Variants in DISC1 observed in about 807,000 individuals in gnomAD.
The protein encoded by DISC1 is DISC1 scaffold protein.
DISC1 carries 57 observed loss-of-function variants against 84.5 expected under a neutral mutation model. The observed-to-expected ratio is 0.67, with a 90% CI of 0.55 to 0.84. DISC1 has a LOEUF of 0.84. DISC1 is among the 40% of genes least tolerant of loss of function. DISC1 has a pLI of 0.00. For missense variants in DISC1, 1,000 were observed against 1,057.8 expected, an observed-to-expected ratio of 0.95 and a Z score of 0.76; for synonymous variants, 411 against 415.2, an observed-to-expected ratio of 0.99 and a Z score of 0.12.
At chr1:231,726,307 C>G (rs72758632) in intron 3 of DISC1, among the ~76,000 whole-genome samples, 3,042 of 152,224 alleles carry the variant, frequency 0.02, 52 homozygotes, top group Non-Finnish European at 0.033. Context: ...AATACCAAAC[C>G]CCAGAACAAG....
chr1:232,040,608 AC>A lies in DISC1; in HGVS notation c.*3778del, dbSNP rs1237438164. On this transcript the variant is annotated 3_prime_UTR_variant, in exon 13 of 13. Coordinates refer to ENST00000439617, the MANE Select transcript of DISC1 (RefSeq NM_018662.3). The stretch of plus-strand genomic sequence containing the variant: ...GTCAGAGACAGGCAGCATGCTCTTA[AC>A]TAGTGCTCTTCCTAAAGTTCCTTTA... 6.6e-6 allele frequency: 1 copy of A among 152,196 alleles called. No homozygotes were observed. The highest frequency in any genetic ancestry group is 6.5e-5 in the Admixed American group (1 of 15,290). 9.4% of individuals were successfully genotyped at this position (152,196 alleles called of 1,614,324 possible). A position where few individuals can be genotyped will look rare whatever the true frequency, so the allele number is the denominator to read the frequency against.
intron 3 of DISC1, among the ~76,000 whole-genome samples, chr1:231,703,184 C>T (rs1235095365): frequency 2.6e-5 from 4 of 152,182 alleles, no homozygotes; most frequent in Admixed American, 2.6e-4. Context: ...AGTCACGGGG[C>T]ATGGGAGGAA....
At chr1:231,855,337 CAATT>C (rs2084194499) in intron 9 of DISC1, 1 of 968,280 alleles carries the variant, frequency 1.0e-6, no homozygotes, top group Non-Finnish European at 1.2e-6. Context: ...CAATTTTTGT[CAATT>C]AAACAGTACA....
intron 9 of DISC1, among the ~76,000 whole-genome samples, chr1:231,932,064 GTC>G (rs1432312445): frequency 2.6e-5 from 4 of 152,208 alleles, no homozygotes; most frequent in African/African-American, 4.8e-5. Flanking sequence ...TGCAAGCACA[GTC>G]TCTAGCATTA....
chr1:231,665,916 A>G (rs574495110), intron 1 of DISC1, among the ~76,000 whole-genome samples: 1 of 152,218 alleles, frequency 6.6e-6, no homozygotes, highest in South Asian at 2.1e-4. Flanking sequence ...TTGTTTTCAG[A>G]GCGGCACTTC....
chr1:231,776,561 G>A (rs1386213726), intron 6 of DISC1, among the ~76,000 whole-genome samples: 1 of 152,192 alleles, frequency 6.6e-6, no homozygotes, highest in Admixed American at 6.5e-5. Flanking sequence ...GCCTTCTGCA[G>A]TATCCATGCC....
intron 1 of DISC1, among the ~76,000 whole-genome samples, chr1:231,659,862 T>C (rs1419861210): frequency 6.6e-6 from 1 of 152,208 alleles, no homozygotes. Context: ...TCAGCTCTTT[T>C]GCATTTGCTG....
chr1:231,882,794 T>C (rs1342463496), intron 9 of DISC1, among the ~76,000 whole-genome samples: 1 of 152,102 alleles, frequency 6.6e-6, no homozygotes, highest in Admixed American at 6.5e-5. Flanking sequence ...AGTTTCCTTA[T>C]CTAGGTGTGA....
At chr1:231,797,058 A>T (rs2078820776) in intron 7 of DISC1, among the ~76,000 whole-genome samples, 1 of 152,138 alleles carries the variant, frequency 6.6e-6, no homozygotes, top group African/African-American at 2.4e-5. Flanking sequence ...CCTGATTTCT[A>T]TGTAGAATTA....
At chr1:231,830,609 T>C (rs994663145) in intron 9 of DISC1, among the ~76,000 whole-genome samples, 8 of 152,214 alleles carry the variant, frequency 5.3e-5, no homozygotes, top group Non-Finnish European at 1.0e-4. Context: ...TAGTTGAGAA[T>C]GGTGAATAGG....
intron 11 of DISC1, among the ~76,000 whole-genome samples, chr1:232,015,017 T>C (rs1264625649): frequency 2.0e-5 from 3 of 152,206 alleles, no homozygotes; most frequent in Non-Finnish European, 4.4e-5. Context: ...CTGCGCAGGC[T>C]TACCAGGACC....
chr1:232,035,566 ACAGT>A (rs1400725039), intron 12 of DISC1, among the ~76,000 whole-genome samples: 1 of 152,186 alleles, frequency 6.6e-6, no homozygotes, highest in African/African-American at 2.4e-5. Flanking sequence ...TGGTCTGTAA[ACAGT>A]CAGACTCCCT....
chr1:232,008,114 G>A (rs1386144793), intron 10 of DISC1, among the ~76,000 whole-genome samples: 2 of 152,156 alleles, frequency 1.3e-5, no homozygotes, highest in African/African-American at 4.8e-5. Context: ...AAATTAACGA[G>A]TCTTGGGCAG....
Position 231,751,300 on chromosome 1 carries a change from A to G in DISC1, c.1268+1224A>G, listed in dbSNP as rs538838213. ...AGTCTTGGGAAAATTTTAGCATGTA[A>G]AAATAGGGCACAAAGATTGAGGCAC... On this transcript the variant is annotated intron_variant, in intron 4 of 12. Coordinates refer to ENST00000439617, the MANE Select transcript of DISC1 (RefSeq NM_018662.3). Among the ~76,000 whole-genome samples the G allele has an allele frequency of 3.3e-5, 5 of 152,322 alleles. No individual in the cohort carries two copies. In the South Asian group the frequency reaches 1.0e-3, roughly 32 times the overall value.
At chr1:231,880,308 G>T (rs2086201534) in intron 9 of DISC1, among the ~76,000 whole-genome samples, 1 of 152,208 alleles carries the variant, frequency 6.6e-6, no homozygotes, top group South Asian at 2.1e-4. Context: ...GTAACTGTAG[G>T]AAATAAATTC....
At chr1:231,958,542 G>A (rs200829625) in intron 9 of DISC1, among the ~76,000 whole-genome samples, 1 of 152,196 alleles carries the variant, frequency 6.6e-6, no homozygotes, top group Non-Finnish European at 1.5e-5. Flanking sequence ...GTCATCCAGT[G>A]ATAGACTATC....
At chr1:231,949,363 C>T (rs760105586) in intron 9 of DISC1, among the ~76,000 whole-genome samples, 9 of 152,124 alleles carry the variant, frequency 5.9e-5, no homozygotes, top group Non-Finnish European at 1.0e-4. Context: ...GGGTGAGGGC[C>T]GGTGCCTGGA....
intron 9 of DISC1, among the ~76,000 whole-genome samples, chr1:231,843,353 G>A (rs2125870176): frequency 6.6e-6 from 1 of 152,308 alleles, no homozygotes; most frequent in South Asian, 2.1e-4. Context: ...CAGGGGCCAG[G>A]TGGGCTTGTG....
chr1:231,674,355 A>C (rs1006209973), intron 1 of DISC1, among the ~76,000 whole-genome samples: 1 of 152,138 alleles, frequency 6.6e-6, no homozygotes, highest in Non-Finnish European at 1.5e-5. Flanking sequence ...GGAATTGAAT[A>C]ATGTGGGCAG....
Sources: allele counts gnomAD v4.1 joint callset (sites outside exome capture counted in the v4.1 genomes callset), GRCh38; gene constraint gnomAD v4.1.1; transcripts MANE v1.5; gene names NCBI Gene and HGNC (gene_info 2026-07-23, HGNC 2026-07-21).